Variants in SETBP1 observed in about 807,000 individuals in gnomAD.
The protein encoded by SETBP1 is SET binding protein 1.
SETBP1 carries 9 observed loss-of-function variants against 101.0 expected under a neutral mutation model. The ratio of observed to expected loss-of-function variants is 0.09; its 90% CI spans 0.05 to 0.16. SETBP1 has a LOEUF of 0.16. SETBP1 is among the 10% of genes least tolerant of loss of function. SETBP1 has a pLI of 1.00. For synonymous variants in SETBP1, 818 were observed against 788.5 expected, an observed-to-expected ratio of 1.04 and a Z score of -0.63; for missense variants, 1,858 against 2,033.8, an observed-to-expected ratio of 0.91 and a Z score of 1.66.
intron 3 of SETBP1, among the ~76,000 whole-genome samples, chr18:44,911,515 G>A (rs2070308549): frequency 6.6e-6 from 1 of 152,182 alleles, no homozygotes; most frequent in Admixed American, 6.5e-5. Context: ...CCAAAATCCT[G>A]ATGCCCTGAT....
intron 2 of SETBP1, among the ~76,000 whole-genome samples, chr18:44,832,722 G>A (rs555621100): frequency 6.6e-6 from 1 of 152,262 alleles, no homozygotes; most frequent in South Asian, 2.1e-4. Flanking sequence ...CAGGGGCCTG[G>A]CTGGGCAGCA....
At chr18:44,754,493 AT>A (rs1049236640) in intron 2 of SETBP1, among the ~76,000 whole-genome samples, 1 of 152,036 alleles carries the variant, frequency 6.6e-6, no homozygotes, top group African/African-American at 2.4e-5. Flanking sequence ...GTGGATTTGA[AT>A]TTTTTTTAAA....
intron 3 of SETBP1, among the ~76,000 whole-genome samples, chr18:44,921,569 AG>A (rs1274396341): frequency 1.3e-5 from 2 of 152,250 alleles, no homozygotes; most frequent in Non-Finnish European, 2.9e-5. Context: ...TGCTTTCAGT[AG>A]TGCTTTATAC....
chr18:44,707,805 C>T (rs1254400230), intron 2 of SETBP1, among the ~76,000 whole-genome samples: 1 of 152,174 alleles, frequency 6.6e-6, no homozygotes, highest in African/African-American at 2.4e-5. Context: ...AGCAGGGGTG[C>T]TCACAGGGCT....
intron 2 of SETBP1, among the ~76,000 whole-genome samples, chr18:44,712,953 CTTTTTTTTTTTTTT>C (rs11323504): frequency 1.5e-5 from 1 of 64,898 alleles, no homozygotes; most frequent in Non-Finnish European, 2.8e-5. Context: ...CAGCATCCCT[CTTTTTTTTTTTTTT>C]TTTTTTTTTG....
intron 2 of SETBP1, among the ~76,000 whole-genome samples, chr18:44,855,472 C>G (rs1049377138): frequency 6.6e-6 from 1 of 152,152 alleles, no homozygotes; most frequent in African/African-American, 2.4e-5. Flanking sequence ...TTGGGATGCC[C>G]TGTTCCATAC....
intron 2 of SETBP1, among the ~76,000 whole-genome samples, chr18:44,741,475 C>T (rs919993940): frequency 5.3e-5 from 8 of 152,160 alleles, no homozygotes; most frequent in Admixed American, 1.3e-4. Flanking sequence ...TTTTCCTTTT[C>T]GGTTCCATGC....
intron 2 of SETBP1, among the ~76,000 whole-genome samples, chr18:44,830,824 C>G (rs1043851268): frequency 6.6e-6 from 1 of 152,148 alleles, no homozygotes; most frequent in African/African-American, 2.4e-5. Context: ...GGTAGAAACC[C>G]TATACATTGA....
chr18:44,794,244 A>C (rs1488027786), intron 2 of SETBP1, among the ~76,000 whole-genome samples: 1 of 152,028 alleles, frequency 6.6e-6, no homozygotes, highest in Admixed American at 6.6e-5. Context: ...TGTAAAATTC[A>C]CTGTCTGTGA....
chr18:44,718,001 A>T (rs1486725859), intron 2 of SETBP1, among the ~76,000 whole-genome samples: 2 of 152,200 alleles, frequency 1.3e-5, no homozygotes, highest in Non-Finnish European at 2.9e-5. Context: ...TAAGAAATGT[A>T]GCAACTTTAC....
At chr18:45,031,352 C>A (rs1408326885) in intron 4 of SETBP1, among the ~76,000 whole-genome samples, 1 of 152,108 alleles carries the variant, frequency 6.6e-6, no homozygotes, top group Non-Finnish European at 1.5e-5. Flanking sequence ...ATGTGGACAG[C>A]TTTGGAGGGG....
chr18:44,693,586 C>T (rs752679626), intron 1 of SETBP1, among the ~76,000 whole-genome samples: 16 of 151,994 alleles, frequency 1.1e-4, no homozygotes, highest in Non-Finnish European at 1.6e-4. Context: ...TGTGACTCCC[C>T]ACCAAAATAC....
chr18:44,686,751 C>A (rs1266429871), intron 1 of SETBP1, among the ~76,000 whole-genome samples: 1 of 152,192 alleles, frequency 6.6e-6, no homozygotes, highest in Non-Finnish European at 1.5e-5. Flanking sequence ...TGAATAATAA[C>A]TACTTTAAGC....
intron 3 of SETBP1, chr18:44,870,941 T>C (rs2069259021): frequency 6.6e-6 from 1 of 152,168 alleles, no homozygotes. Context: ...AAGTTAGCTA[T>C]ATTTGAGGTT....
Position 44,952,896 on chromosome 18 carries a change from C to T in SETBP1, c.3556C>T (p.Leu1186=), listed in dbSNP as rs2071394527. Reference sequence around the variant, plus strand: ...AGCCACAGGCTTCTCCAGCCACATCCTGAGCGAGCGGCTGAGTAGCGCAGA... The same window carrying T: ...AGCCACAGGCTTCTCCAGCCACATCTTGAGCGAGCGGCTGAGTAGCGCAGA... ...GKATGFSSHI[L]SERLSSADKE... Residue 1186 remains leucine (L), a synonymous_variant, in exon 4 of 6, where the codon CTG becomes TTG. Coordinates refer to ENST00000649279, the MANE Select transcript of SETBP1 (RefSeq NM_015559.3). 1 of 1,614,204 alleles carries T rather than the reference C, an allele frequency of 6.2e-7. No homozygotes were observed. Among genetic ancestry groups the T allele is most frequent in the African/African-American group, 1.3e-5 (1 of 75,058 alleles).
chr18:44,853,858 T>C (rs1424888655), intron 2 of SETBP1, among the ~76,000 whole-genome samples: 1 of 152,160 alleles, frequency 6.6e-6, no homozygotes, highest in African/African-American at 2.4e-5. Context: ...TCCATCTACC[T>C]GAAGTGCCTC....
intron 2 of SETBP1, among the ~76,000 whole-genome samples, chr18:44,827,445 C>T (rs1189208350): frequency 6.6e-6 from 1 of 152,118 alleles, no homozygotes; most frequent in African/African-American, 2.4e-5. Flanking sequence ...TGGAATAGGT[C>T]GGTTCTGAAT....
intron 2 of SETBP1, among the ~76,000 whole-genome samples, chr18:44,775,982 T>C (rs1157808506): frequency 6.6e-6 from 1 of 152,228 alleles, no homozygotes; most frequent in Non-Finnish European, 1.5e-5. Flanking sequence ...TATCCCTTAA[T>C]TGCCCTTCAA....
At chr18:44,696,441 G>C (rs549840045) in intron 1 of SETBP1, among the ~76,000 whole-genome samples, 2 of 152,138 alleles carry the variant, frequency 1.3e-5, no homozygotes, top group African/African-American at 4.8e-5. Context: ...AGTAGAGCTC[G>C]AGAACTTGCA....
Sources: gnomAD v4.1 joint callset for allele counts (sites outside exome capture counted in the v4.1 genomes callset) on GRCh38, gnomAD v4.1.1 for gene constraint, MANE v1.5 for transcripts, NCBI Gene and HGNC (gene_info 2026-07-23, HGNC 2026-07-21) for gene names.